PALMD: variants seen among roughly 807,000 people sequenced by gnomAD.
The protein encoded by PALMD is palmdelphin, also known as paralemmin-like protein.
In PALMD, 42 loss-of-function variants were observed where a neutral mutation model predicts 56.2. The observed-to-expected ratio is 0.75, with a 90% CI of 0.58 to 0.97. The LOEUF is 0.97. Ranked by LOEUF, PALMD falls within the 50% of genes least tolerant of loss-of-function variation. The pLI is 0.00. For missense variants in PALMD, 660 were observed against 643.8 expected (o/e 1.03, Z -0.27); for synonymous variants, 242 against 222.9 (o/e 1.09, Z -0.76).
chr1:99,652,694 GGAAAAGAAAAGAAAAGAAAA>G (rs1226790564), intron 1 of PALMD, among the ~76,000 whole-genome samples: 28 of 86,398 alleles, frequency 3.2e-4, no homozygotes, highest in South Asian at 1.3e-3. Context: ...GGAAAGGAAA[GGAAAAGAAAAGAAAAGAAAA>G]GAAAAGAAAA....
rs1652439206 is a variant in PALMD at position 99,646,178 on chromosome 1, T to A, written c.-140T>A. ...GAGACGCTCCTGACAAGTCGGGAATTTCTCTATTTCTCCACTGGTGCAAAG... is the reference window on the plus strand; with the variant it reads ...GAGACGCTCCTGACAAGTCGGGAATATCTCTATTTCTCCACTGGTGCAAAG... On this transcript the variant is annotated 5_prime_UTR_variant, in exon 1 of 8. Coordinates refer to ENST00000263174, the MANE Select transcript of PALMD (RefSeq NM_017734.5). 1 of 694,180 alleles carries A rather than the reference T, an allele frequency of 1.4e-6. No homozygotes were observed. The highest frequency in any genetic ancestry group is 2.6e-5 in the East Asian group (1 of 38,354). The allele number at this position is 694,180 out of a possible 1,614,324, so 43.0% of individuals were successfully genotyped here.
intron 1 of PALMD, among the ~76,000 whole-genome samples, chr1:99,647,918 T>C (rs536471107): frequency 5.3e-5 from 8 of 152,332 alleles, no homozygotes; most frequent in Non-Finnish European, 7.3e-5. Context: ...TCCAAAGATA[T>C]GGCTGTATAC....
Position 99,689,602 on chromosome 1 carries a change from G to T in PALMD, c.1342G>T (p.Asp448Tyr), listed in dbSNP as rs751420067. The T allele has an allele frequency of 2.2e-5, 36 of 1,613,640 alleles. No homozygotes were observed. The South Asian group carries it at 3.7e-4, about 17-fold the overall frequency. The change falls in exon 7 of 8, where the codon GAT (aspartate) becomes TAT (tyrosine). Residue 448 changes from aspartate to tyrosine, a missense_variant. Coordinates refer to ENST00000263174, the MANE Select transcript of PALMD (RefSeq NM_017734.5). ...GIIHAELVVI[D>Y]DEEEEDEGEA... ...CATCCATGCTGAGCTGGTTGTGATT[G>T]ATGATGAGGAGGAGGAGGATGAAGG...
chr1:99,680,530 T>A (rs887905259), intron 3 of PALMD, among the ~76,000 whole-genome samples: 1 of 152,162 alleles, frequency 6.6e-6, no homozygotes, highest in Non-Finnish European at 1.5e-5. Flanking sequence ...CCAAGGAGGA[T>A]ATTTCTCTTT....
chr1:99,661,902 C>A (rs1393271461), intron 1 of PALMD, among the ~76,000 whole-genome samples: 1 of 152,122 alleles, frequency 6.6e-6, no homozygotes, highest in Non-Finnish European at 1.5e-5. Flanking sequence ...CCTGTTTTTC[C>A]ACATAAGGAG....
chr1:99,688,087 C>T (rs952659708), intron 6 of PALMD, among the ~76,000 whole-genome samples: 2 of 152,058 alleles, frequency 1.3e-5, no homozygotes, highest in African/African-American at 2.4e-5. Context: ...CTCTCCAGTC[C>T]ATTTGTCTCA....
rs150488035 is a variant in PALMD, at chr1:99,655,309, T to TA, written c.46-7004dup. Among the ~76,000 whole-genome samples the TA allele has an allele frequency of 4.8e-3, 735 of 152,258 alleles. 9 individuals carry two copies. Among genetic ancestry groups the TA allele is most frequent in the African/African-American group, 0.017 (693 of 41,568 alleles). ...TAGATGATAAATAATATTAAAAACA[T>TA]AAAAAACTTAATAAATGTTATTATT... On this transcript the variant is annotated intron_variant, in intron 1 of 7. Coordinates refer to ENST00000263174, the MANE Select transcript of PALMD (RefSeq NM_017734.5).
chr1:99,679,266 A>C (rs1653285479), intron 3 of PALMD, among the ~76,000 whole-genome samples: 1 of 152,238 alleles, frequency 6.6e-6, no homozygotes, highest in Non-Finnish European at 1.5e-5. Flanking sequence ...AAACTGCAGT[A>C]ATACAATCAA....
intron 7 of PALMD, 150 bp from the exon 8 acceptor site, chr1:99,693,869 T>C (rs183946195): frequency 6.6e-5 from 41 of 623,516 alleles, no homozygotes; most frequent in Middle Eastern, 4.3e-4. Context: ...TTATTTCTAC[T>C]ATCTTTTTGT....
intron 3 of PALMD, chr1:99,686,034 C>G (rs115648792): frequency 6.6e-6 from 1 of 152,230 alleles, no homozygotes; most frequent in Non-Finnish European, 1.5e-5. Flanking sequence ...TGCCCTACCC[C>G]CCGCCCAGAA....
chr1:99,687,515 G>A (rs1653532401), intron 6 of PALMD, among the ~76,000 whole-genome samples: 1 of 152,156 alleles, frequency 6.6e-6, no homozygotes, highest in Admixed American at 6.6e-5. Context: ...CTCTTTGGGG[G>A]TTACAAAGAT....
At chr1:99,661,718 T>C (rs1433556440) in intron 1 of PALMD, among the ~76,000 whole-genome samples, 1 of 152,228 alleles carries the variant, frequency 6.6e-6, no homozygotes, top group Middle Eastern at 3.2e-3. Context: ...TAATTTAAAC[T>C]TGGTGAAAGA....
intron 3 of PALMD, chr1:99,669,197 A>G (rs1052206031): frequency 6.6e-6 from 1 of 152,180 alleles, no homozygotes; most frequent in Non-Finnish European, 1.5e-5. Context: ...GCACTTGTAT[A>G]TTGAATAGCT....
intron 3 of PALMD, among the ~76,000 whole-genome samples, chr1:99,680,152 T>C (rs1653306200): frequency 6.6e-6 from 1 of 152,066 alleles, no homozygotes; most frequent in Non-Finnish European, 1.5e-5. Flanking sequence ...AGCAGAAAAA[T>C]TGCCTTCTGA....
intron 3 of PALMD, 60 bp from the exon 4 acceptor site, chr1:99,686,616 T>C: frequency 2.5e-6 from 2 of 810,354 alleles, no homozygotes; most frequent in South Asian, 3.5e-5. Flanking sequence ...GGAAGACATA[T>C]TTGAGAACTC....
In PALMD at chr1:99,686,681, A is replaced by G. The variant is rs1207673122; in HGVS notation, c.257A>G (p.Glu86Gly). 7 of 1,562,666 alleles carry G rather than the reference A, an allele frequency of 4.5e-6. No homozygotes were observed. In the South Asian group the frequency reaches 7.9e-5, roughly 18 times the overall value. Residue 86 changes from glutamate to glycine, a missense_variant, in exon 4 of 8, where the codon GAG (glutamate) becomes GGG (glycine). By Grantham distance (98) the Glu-to-Gly change is moderately conservative. Coordinates refer to ENST00000263174, the MANE Select transcript of PALMD (RefSeq NM_017734.5). ...GTATACCTTTTTGTTGTCAGGCTTGAGAAAGAGATCCAAGATCTTGAAAAA... is the reference window on the plus strand; with the variant it reads ...GTATACCTTTTTGTTGTCAGGCTTGGGAAAGAGATCCAAGATCTTGAAAAA... ...QVLEQSILRL[E>G]KEIQDLEKAE...
At chr1:99,649,060 A>G (rs1353435115) in intron 1 of PALMD, among the ~76,000 whole-genome samples, 1 of 152,228 alleles carries the variant, frequency 6.6e-6, no homozygotes, top group Non-Finnish European at 1.5e-5. Flanking sequence ...GAATAAGAGC[A>G]AAATTATGAA....
rs1008983509 is a variant in PALMD, at chr1:99,672,411, G to C, written c.251+4645G>C. On this transcript the variant is annotated intron_variant, in intron 3 of 7. Coordinates refer to ENST00000263174, the MANE Select transcript of PALMD (RefSeq NM_017734.5). ...GCGACCACTGAACCATTTACTGCCT[G>C]ATTGTAGGCACAGGTGCACTGATTT... 2.0e-5 allele frequency among the ~76,000 whole-genome samples: 3 copies of C among 152,188 alleles called. No individual in the cohort carries two copies. The East Asian group carries it at 5.8e-4, about 29-fold the overall frequency.
intron 3 of PALMD, among the ~76,000 whole-genome samples, chr1:99,674,509 A>G (rs540122571): frequency 6.6e-6 from 1 of 151,964 alleles, no homozygotes; most frequent in African/African-American, 2.4e-5. Context: ...ACCAGACCTC[A>G]CACTGCTTAT....
Sources: gnomAD v4.1 joint callset for allele counts (sites outside exome capture counted in the v4.1 genomes callset) on GRCh38, gnomAD v4.1.1 for gene constraint, MANE v1.5 for transcripts, NCBI Gene and HGNC (gene_info 2026-07-23, HGNC 2026-07-21) for gene names.